RHBDD1: variants seen among roughly 807,000 people sequenced by gnomAD.
RHBDD1 encodes the protein rhomboid-related protein 4.
RHBDD1 carries 38 observed loss-of-function variants against 36.3 expected under a neutral mutation model. That is an observed-to-expected ratio of 1.05 (90% CI 0.81 to 1.37). The LOEUF is 1.37. Ranked by LOEUF, RHBDD1 falls within the 40% of genes most tolerant of loss-of-function variation. The pLI is 0.00. For synonymous variants in RHBDD1, 151 were observed against 136.5 expected, an observed-to-expected ratio of 1.11 and a Z score of -0.74; for missense variants, 393 against 377.6, an observed-to-expected ratio of 1.04 and a Z score of -0.34.
At chr2:226,868,621 A>G (rs1396287554) in intron 5 of RHBDD1, among the ~76,000 whole-genome samples, 2 of 152,204 alleles carry the variant, frequency 1.3e-5, no homozygotes, top group African/African-American at 4.8e-5. Context: ...CTTTACAGAC[A>G]GTTTTTATTT....
chr2:226,943,115 C>T (rs1431418235), intron 8 of RHBDD1, among the ~76,000 whole-genome samples: 3 of 152,180 alleles, frequency 2.0e-5, no homozygotes, highest in African/African-American at 7.2e-5. Flanking sequence ...AGTGTCATCT[C>T]ATGGCAGTTC....
At position 226,864,838 on chromosome 2, in the gene RHBDD1, C is replaced by G. The variant is rs1342896694; in HGVS notation, c.145C>G (p.Leu49Val). 3 of 1,614,110 alleles carry G rather than the reference C, an allele frequency of 1.9e-6. No homozygotes were observed. In the African/African-American group the frequency reaches 4.0e-5, roughly 22 times the overall value. ...GTTCTTCTTGAACCCTCAGAAGCCACTGTATAGCTCCTGCCTTAGTGTGGA... is the reference window on the plus strand; with the variant it reads ...GTTCTTCTTGAACCCTCAGAAGCCAGTGTATAGCTCCTGCCTTAGTGTGGA... ...IWFFLNPQKP[L>V]YSSCLSVEKC... The change falls in exon 4 of 9, where the codon CTG becomes GTG. Residue 49 changes from leucine to valine, a missense_variant. Transcript: ENST00000392062.
At chr2:226,875,812 C>A (rs1198792512) in intron 5 of RHBDD1, among the ~76,000 whole-genome samples, 1 of 152,172 alleles carries the variant, frequency 6.6e-6, no homozygotes, top group Non-Finnish European at 1.5e-5. Context: ...CAAATGTGTT[C>A]TTTTGACCAC....
intron 4 of RHBDD1, 80 bp downstream of exon 4, chr2:226,865,206 G>A (rs1944224851): frequency 8.9e-7 from 1 of 1,120,554 alleles, no homozygotes; most frequent in Admixed American, 2.2e-5. Context: ...TGAAGTGTGG[G>A]TCCCTATCAA....
At chr2:226,924,164 G>T (rs1949515902) in intron 8 of RHBDD1, among the ~76,000 whole-genome samples, 1 of 152,274 alleles carries the variant, frequency 6.6e-6, no homozygotes, top group South Asian at 2.1e-4. Flanking sequence ...ATACCATGGG[G>T]TAAGTACTGC....
intron 8 of RHBDD1, 68 bp downstream of exon 8, chr2:226,914,419 C>T (rs1446297938): frequency 2.0e-6 from 3 of 1,499,850 alleles, no homozygotes; most frequent in Non-Finnish European, 2.7e-6. Context: ...TGAAAAAGAG[C>T]TATTTGTAGC....
chr2:226,907,072 A>G lies in RHBDD1; in HGVS notation c.655+191A>G, dbSNP rs1948117072. 3 of 646,198 alleles carry G rather than the reference A, an allele frequency of 4.6e-6. No individual in the cohort carries two copies. In the Admixed American group the frequency reaches 7.9e-5, roughly 17 times the overall value. 40.0% of individuals were successfully genotyped at this position (646,198 alleles called of 1,614,324 possible). ...CATTGCTCCACAAAAGAGGCTGCAA[A>G]CTTAAATTTCGAATCTGATACTTTC... On this transcript the variant is annotated intron_variant, in intron 6 of 8. Coordinates refer to ENST00000392062, the MANE Select transcript of RHBDD1 (RefSeq NM_001167608.3).
chr2:226,809,767 G>C, the RHBDD1 span, among the ~76,000 whole-genome samples: 36 of 152,216 alleles, frequency 2.4e-4, no homozygotes, highest in African/African-American at 8.7e-4. Context: ...AGTCTTTACT[G>C]ATTTAAAACT....
At chr2:226,941,246 G>A (rs1440599980) in intron 8 of RHBDD1, among the ~76,000 whole-genome samples, 2 of 152,114 alleles carry the variant, frequency 1.3e-5, no homozygotes, top group Non-Finnish European at 2.9e-5. Context: ...GATTACAGGC[G>A]TGAGCCACCC....
At chr2:226,821,017 C>A in the RHBDD1 span, among the ~76,000 whole-genome samples, 1 of 152,180 alleles carries the variant, frequency 6.6e-6, no homozygotes. Flanking sequence ...CCCATCCTCT[C>A]CTGTGTCTGC....
At chr2:226,863,123 G>A (rs762725333) in intron 3 of RHBDD1, among the ~76,000 whole-genome samples, 1 of 152,132 alleles carries the variant, frequency 6.6e-6, no homozygotes, top group African/African-American at 2.4e-5. Context: ...TGAGGCAGAC[G>A]GATCACCTGA....
intron 8 of RHBDD1, among the ~76,000 whole-genome samples, chr2:226,927,334 G>GTTTTTTTTTTTTTTTTTTTTTTT (rs11453624): frequency 1.3e-5 from 2 of 150,748 alleles, no homozygotes; most frequent in Admixed American, 6.6e-5. Flanking sequence ...TATACCAGAA[G>GTTTTTTTTTTTTTTTTTTTTTTT]TTTTTTTTTG....
chr2:226,877,306 T>C (rs1028100822), intron 5 of RHBDD1, among the ~76,000 whole-genome samples: 1 of 152,250 alleles, frequency 6.6e-6, no homozygotes, highest in Non-Finnish European at 1.5e-5. Context: ...TTACTGATTA[T>C]GTAGACTTTG....
the RHBDD1 span, chr2:226,800,320 A>AG: frequency 6.6e-6 from 1 of 152,338 alleles, no homozygotes; most frequent in East Asian, 1.9e-4. Flanking sequence ...GGCCATGGTG[A>AG]GGGGATCTGT....
chr2:226,827,612 T>C, the RHBDD1 span, among the ~76,000 whole-genome samples: 7 of 152,352 alleles, frequency 4.6e-5, no homozygotes, highest in South Asian at 1.2e-3. Flanking sequence ...ACATTAAGTA[T>C]TGAAATGCCA....
chr2:226,865,114 G>A lies in RHBDD1; in HGVS notation c.421G>A (p.Val141Ile). The change falls in exon 4 of 9, where the codon GTA becomes ATA. Residue 141 changes from valine (V) to isoleucine (I), a missense_variant. Physicochemically the swap from Val to Ile is conservative, Grantham distance 29. Transcript: ENST00000392062. Reference protein sequence around the residue: ...DEPDFKRSCAVGFSGVLFALK... With the variant: ...DEPDFKRSCAIGFSGVLFALK... Reference sequence around the variant, plus strand: ...ACCTGACTTCAAAAGGAGCTGTGCTGTAGGTTTCTCAGGTAAGGGAGACAA... The same window carrying A: ...ACCTGACTTCAAAAGGAGCTGTGCTATAGGTTTCTCAGGTAAGGGAGACAA... 1 of 1,611,050 alleles carries A rather than the reference G, an allele frequency of 6.2e-7. No homozygotes were observed. Among genetic ancestry groups the A allele is most frequent in the Non-Finnish European group, 8.5e-7 (1 of 1,178,590 alleles).
At chr2:226,818,970 T>G in the RHBDD1 span, among the ~76,000 whole-genome samples, 2 of 152,234 alleles carry the variant, frequency 1.3e-5, no homozygotes, top group Admixed American at 1.3e-4. Context: ...TAGTTTTCCA[T>G]AGTCCCATGA....
chr2:226,895,557 C>T (rs1432241777), intron 5 of RHBDD1: 2 of 429,700 alleles, frequency 4.7e-6, no homozygotes, highest in South Asian at 2.0e-4. Flanking sequence ...GACTCTTTAA[C>T]CTCTGTGCCC....
the RHBDD1 span, among the ~76,000 whole-genome samples, chr2:226,829,278 T>C: frequency 6.6e-6 from 1 of 152,220 alleles, no homozygotes; most frequent in Non-Finnish European, 1.5e-5. Flanking sequence ...TATAACTTTA[T>C]AACACATTTT....
Sources: gnomAD v4.1 joint callset for allele counts (sites outside exome capture counted in the v4.1 genomes callset) on GRCh38, gnomAD v4.1.1 for gene constraint, MANE v1.5 for transcripts, NCBI Gene and HGNC (gene_info 2026-07-23, HGNC 2026-07-21) for gene names.